Variants in ZNF516 observed in about 807,000 individuals in gnomAD.
ZNF516 encodes the protein zinc finger protein 516.
In ZNF516, 19 loss-of-function variants were observed where a neutral mutation model predicts 79.7. The observed-to-expected ratio is 0.24, with a 90% CI of 0.17 to 0.35. ZNF516 has a LOEUF of 0.35. ZNF516 is among the 10% of genes least tolerant of loss of function. ZNF516 has a pLI of 1.00. For synonymous variants in ZNF516, 877 were observed against 739.5 expected, an observed-to-expected ratio of 1.19 and a Z score of -3.02; for missense variants, 1,678 against 1,679.5, an observed-to-expected ratio of 1.00 and a Z score of 0.02.
intron 2 of ZNF516, among the ~76,000 whole-genome samples, chr18:76,457,848 TC>T (rs1303569498): frequency 6.6e-6 from 1 of 152,236 alleles, no homozygotes; most frequent in Non-Finnish European, 1.5e-5. Context: ...AACATGTCGA[TC>T]CAGTCTTGGA....
At chr18:76,391,654 G>C (rs73978105) in intron 3 of ZNF516, among the ~76,000 whole-genome samples, 4,255 of 152,250 alleles carry the variant, frequency 0.028, 174 homozygotes, top group African/African-American at 0.097. Flanking sequence ...CCCCAAACAT[G>C]ATGTACTGGC....
intron 3 of ZNF516, among the ~76,000 whole-genome samples, chr18:76,427,159 C>T (rs572688869): frequency 1.6e-4 from 25 of 152,352 alleles, no homozygotes; most frequent in African/African-American, 4.8e-4. Context: ...TCCCTTCACA[C>T]TCTGGTGGCA....
rs2144848847 is a variant in ZNF516 at position 76,360,717 on chromosome 18, A to T, written c.*1781T>A. The T allele has an allele frequency of 7.1e-6, 1 of 141,688 alleles. No homozygotes were observed. Among genetic ancestry groups the T allele is most frequent in the Middle Eastern group, 3.7e-3 (1 of 272 alleles). 8.8% of individuals were successfully genotyped at this position (141,688 alleles called of 1,614,324 possible). A position where few individuals can be genotyped will look rare whatever the true frequency, so the allele number is the denominator to read the frequency against. ...ACATTGCATCGTTTGAAAGTGTTGC[A>T]AAGTAACCTGAACCGTCAAGTAATT... is the stretch of plus-strand genomic sequence containing the variant. On this transcript the variant is annotated 3_prime_UTR_variant, in exon 7 of 7. Transcript: ENST00000443185.
At position 76,451,685 on chromosome 18, in the gene ZNF516, CTG is replaced by C. The variant is rs1912424510; in HGVS notation, c.-157-8476_-157-8475del. Among the ~76,000 whole-genome samples the C allele has an allele frequency of 1.3e-5, 2 of 152,172 alleles. No individual in the cohort carries two copies. Among genetic ancestry groups the C allele is most frequent in the Non-Finnish European group, 2.9e-5 (2 of 68,026 alleles). The stretch of plus-strand genomic sequence containing the variant: ...AAGGCCCAGTTGGTGTTTGAGTATA[CTG>C]TGTGTGTTTGTTCTCCGGGAAACAA... On this transcript the variant is annotated intron_variant, in intron 2 of 6. Coordinates refer to ENST00000443185, the MANE Select transcript of ZNF516 (RefSeq NM_014643.4). The surrounding 1 kb of genome is among the most constrained non-coding windows in gnomAD (Gnocchi z 6.0).
chr18:76,495,717 C>CCCGCCGGCGGGTA (rs1555723809), upstream of ZNF516: 2 of 1,188,540 alleles, frequency 1.7e-6, no homozygotes, highest in African/African-American at 1.7e-5. Flanking sequence ...GGATGCGGGT[C>CCCGCCGGCGGGTA]CCGCCGGCGG....
intron 3 of ZNF516, among the ~76,000 whole-genome samples, chr18:76,403,125 C>T (rs151107780): frequency 1.5e-4 from 23 of 152,236 alleles, no homozygotes; most frequent in Middle Eastern, 3.2e-3. Context: ...TCTGTAATTA[C>T]CCATGTTTAT....
chr18:76,486,410 A>G, intron 1 of ZNF516, among the ~76,000 whole-genome samples: 1 of 152,206 alleles, frequency 6.6e-6, no homozygotes, highest in East Asian at 1.9e-4. Flanking sequence ...TTACTTTCAC[A>G]TGGGAAGAGT....
intron 1 of ZNF516, among the ~76,000 whole-genome samples, chr18:76,480,672 G>A (rs779536610): frequency 9.9e-5 from 15 of 151,918 alleles, no homozygotes; most frequent in African/African-American, 2.9e-4. Context: ...ACAGGCACCC[G>A]CCACCACGCT....
Position 76,442,089 on chromosome 18 carries a change from G to T in ZNF516, c.966C>A (p.Val322=), listed in dbSNP as rs1475495067. The T allele has an allele frequency of 6.2e-7, 1 of 1,613,874 alleles. No homozygotes were observed. The highest frequency in any genetic ancestry group is 1.7e-5 in the Admixed American group (1 of 60,014). Residue 322 remains valine (V), a synonymous_variant, in exon 3 of 7, where the codon GTC becomes GTA. Transcript: ENST00000443185. The part of the protein sequence containing the change: ...LDPIATINNV[V]QEEVIVAGLS... ...GGCCGGCGACGATCACCTCCTCCTG[G>T]ACCACGTTGTTGATGGTGGCGATGG...
At chr18:76,364,574 G>T (rs1433684936) in intron 6 of ZNF516, among the ~76,000 whole-genome samples, 1 of 152,172 alleles carries the variant, frequency 6.6e-6, no homozygotes, top group African/African-American at 2.4e-5. Flanking sequence ...GTGTTCTAGG[G>T]ATGGATATTG....
intron 3 of ZNF516, among the ~76,000 whole-genome samples, chr18:76,396,682 A>G (rs1344289844): frequency 6.6e-6 from 1 of 152,108 alleles, no homozygotes; most frequent in Non-Finnish European, 1.5e-5. Context: ...CTAAGACAAA[A>G]CTACATAGAC....
chr18:76,366,675 A>G (rs898365765), intron 6 of ZNF516, among the ~76,000 whole-genome samples: 3 of 152,240 alleles, frequency 2.0e-5, no homozygotes, highest in African/African-American at 7.2e-5. Flanking sequence ...CTCACCACAG[A>G]AAGGCTCTCC....
intron 1 of ZNF516, among the ~76,000 whole-genome samples, chr18:76,472,642 T>C (rs1296156449): frequency 6.6e-6 from 1 of 152,224 alleles, no homozygotes; most frequent in Non-Finnish European, 1.5e-5. Context: ...TAGCTCAGGC[T>C]AGCTCCTCCA....
chr18:76,430,150 T>C (rs755569396), intron 3 of ZNF516, among the ~76,000 whole-genome samples: 3 of 152,246 alleles, frequency 2.0e-5, no homozygotes, highest in Non-Finnish European at 4.4e-5. Flanking sequence ...CTGTCCATGA[T>C]GCTTCCGAAG....
intron 3 of ZNF516, among the ~76,000 whole-genome samples, chr18:76,408,745 G>A (rs1331054765): frequency 6.6e-6 from 1 of 152,260 alleles, no homozygotes; most frequent in Non-Finnish European, 1.5e-5. Context: ...CTAATTCACA[G>A]AAAACAACTT....
rs369778017 is a variant in ZNF516, at chr18:76,379,134, C to T, written c.2980G>A (p.Ala994Thr). 1.6e-4 allele frequency: 259 copies of T among 1,612,528 alleles called. No homozygotes were observed. Among genetic ancestry groups the T allele is most frequent in the Non-Finnish European group, 2.1e-4 (242 of 1,179,700 alleles). The change falls in exon 4 of 7, where the codon GCT becomes ACT. Residue 994 changes from alanine (A) to threonine (T), a missense_variant. By Grantham distance (58) the Ala-to-Thr change is moderately conservative. Coordinates refer to ENST00000443185, the MANE Select transcript of ZNF516 (RefSeq NM_014643.4). ...GGCTCGCGGGGAGGTAGAGGAGGAG[C>T]GCCCCCTTCGCCCTTTGCAGGAGGT... Reference protein sequence around the residue: ...GPPPAKGEGGAPPLPPREPPS... With the variant: ...GPPPAKGEGGTPPLPPREPPS...
chr18:76,404,012 C>T (rs762565323), intron 3 of ZNF516, among the ~76,000 whole-genome samples: 1 of 152,230 alleles, frequency 6.6e-6, no homozygotes, highest in Non-Finnish European at 1.5e-5. Flanking sequence ...AGAGCAGCAG[C>T]GGACAGGCTG....
chr18:76,371,537 G>C lies in ZNF516; in HGVS notation c.3294C>G (p.Phe1098Leu). Residue 1098 changes from phenylalanine to leucine, a missense_variant, in exon 5 of 7, where the codon TTC (phenylalanine) becomes TTG (leucine). Transcript: ENST00000443185. ...AGCTCTTTCCGCACTCGATGCAGAC[G>C]AACTCTCCTGGCCGGGCCTGCGTCC... is the stretch of plus-strand genomic sequence containing the variant. ...TLRTQARPGE[F>L]VCIECGKSFH... 6.2e-7 allele frequency: 1 copy of C among 1,610,942 alleles called. No homozygotes were observed. The highest frequency in any genetic ancestry group is 1.1e-5 in the South Asian group (1 of 91,036).
intron 3 of ZNF516, among the ~76,000 whole-genome samples, chr18:76,436,329 C>T (rs947611516): frequency 6.6e-6 from 1 of 152,200 alleles, no homozygotes; most frequent in African/African-American, 2.4e-5. Context: ...GAACTGGATG[C>T]TATTTCCTGC....
Sources: allele counts gnomAD v4.1 joint callset (sites outside exome capture counted in the v4.1 genomes callset), GRCh38; gene constraint gnomAD v4.1.1; non-coding constraint Gnocchi (gnomAD v3.1); transcripts MANE v1.5; gene names NCBI Gene and HGNC (gene_info 2026-07-23, HGNC 2026-07-21).